Variants in SLC36A1 observed in about 807,000 individuals in gnomAD.
SLC36A1 encodes proton-coupled amino acid transporter 1.
In SLC36A1, 30 loss-of-function variants were observed where a neutral mutation model predicts 47.5. That is an observed-to-expected ratio of 0.63 (90% CI 0.47 to 0.86). The LOEUF is 0.86. Among genes scored for constraint, SLC36A1 ranks in the 40% least tolerant of loss-of-function variants. SLC36A1 has a pLI of 0.00. For synonymous variants in SLC36A1, 255 were observed against 249.7 expected (o/e 1.02, Z -0.20); for missense variants, 517 against 606.0 (o/e 0.85, Z 1.54).
At chr5:151,537,875 G>A in the SLC36A1 span, 2 of 1,614,188 alleles carry the variant, frequency 1.2e-6, no homozygotes, top group South Asian at 2.2e-5. Flanking sequence ...CAGTGTCCAA[G>A]TCTGTGGCAG....
chr5:151,458,773 G>T lies in SLC36A1; in HGVS notation c.-5-15G>T. The stretch of plus-strand genomic sequence containing the variant: ...CCAGCTGCAGGAGGTCTTAATGCTG[G>T]CCCTGTCCCCCCAGCTGCCATGTCC... On this transcript the variant is annotated splice_polypyrimidine_tract_variant and intron_variant, in intron 1 of 10. Transcript: ENST00000243389. The T allele has an allele frequency of 6.2e-7, 1 of 1,611,914 alleles. No homozygotes were observed. Among genetic ancestry groups the T allele is most frequent in the South Asian group, 1.1e-5 (1 of 90,906 alleles).
At chr5:151,516,092 T>C in the SLC36A1 span, among the ~76,000 whole-genome samples, 1 of 152,208 alleles carries the variant, frequency 6.6e-6, no homozygotes, top group South Asian at 2.1e-4. Flanking sequence ...CACATTGCTA[T>C]TCCCTCTATC....
At chr5:151,536,991 C>T in the SLC36A1 span, among the ~76,000 whole-genome samples, 103 of 152,304 alleles carry the variant, frequency 6.8e-4, no homozygotes, top group African/African-American at 2.3e-3. Flanking sequence ...GCCTTGAGTG[C>T]CCTTTCCCCC....
In SLC36A1 at chr5:151,467,724, T is replaced by G. The variant is rs144783326; in HGVS notation, c.522T>G (p.Asn174Lys). The G allele has an allele frequency of 1.9e-6, 3 of 1,614,022 alleles. No individual in the cohort carries two copies. The highest frequency in any genetic ancestry group is 1.7e-5 in the Admixed American group (1 of 60,022). Reference protein sequence around the residue: ...DNFKQVIEAANGTTNNCHNNE... With the variant: ...DNFKQVIEAAKGTTNNCHNNE... ...CATTCTAGGTGATAGAAGCGGCCAA[T>G]GGGACCACCAATAACTGCCACAACA... is the stretch of plus-strand genomic sequence containing the variant. Residue 174 changes from asparagine (N) to lysine (K), a missense_variant, in exon 7 of 11, where the codon AAT becomes AAG. Asn to Lys is a moderately conservative substitution (Grantham distance 94). Transcript: ENST00000243389.
intron 7 of SLC36A1, chr5:151,471,038 T>C (rs1757245539): frequency 6.6e-6 from 1 of 152,254 alleles, no homozygotes; most frequent in Admixed American, 6.5e-5. Flanking sequence ...AATCCATGTG[T>C]ACCTTTAACA....
At chr5:151,346,302 G>T in the SLC36A1 span, among the ~76,000 whole-genome samples, 1 of 152,142 alleles carries the variant, frequency 6.6e-6, no homozygotes, top group Non-Finnish European at 1.5e-5. Flanking sequence ...GACAGCACAG[G>T]CAGCAGGGCC....
At chr5:151,401,855 A>G in the SLC36A1 span, among the ~76,000 whole-genome samples, 3 of 152,136 alleles carry the variant, frequency 2.0e-5, no homozygotes, top group Non-Finnish European at 4.4e-5. Context: ...ATTTTTGTAC[A>G]TTGATTTTGT....
intron 2 of SLC36A1, among the ~76,000 whole-genome samples, chr5:151,459,486 G>A (rs1048286616): frequency 3.3e-5 from 5 of 152,180 alleles, no homozygotes; most frequent in Non-Finnish European, 4.4e-5. Flanking sequence ...AGTTTGGCCC[G>A]CTTCAGGTCT....
chr5:151,356,422 ATATC>A, the SLC36A1 span, among the ~76,000 whole-genome samples: 1 of 151,480 alleles, frequency 6.6e-6, no homozygotes, highest in Non-Finnish European at 1.5e-5. Flanking sequence ...GATGAGGCGT[ATATC>A]TGTTACTCAC....
chr5:151,534,580 T>A, the SLC36A1 span: 2 of 1,614,040 alleles, frequency 1.2e-6, no homozygotes, highest in Non-Finnish European at 8.5e-7. Context: ...TCCGTCGCCT[T>A]GGCAACAAGG....
At chr5:151,505,492 C>A in the SLC36A1 span, 1 of 1,576,094 alleles carries the variant, frequency 6.3e-7, no homozygotes, top group Non-Finnish European at 8.7e-7. Flanking sequence ...TCAACTCACC[C>A]CCTACGAGAC....
At chr5:151,449,007 C>T (rs1753224146) in intron 1 of SLC36A1, among the ~76,000 whole-genome samples, 1 of 152,198 alleles carries the variant, frequency 6.6e-6, no homozygotes, top group African/African-American at 2.4e-5. Context: ...CCACCTTGGC[C>T]TCCCAAAGTA....
chr5:151,437,382 GA>G (rs1197237253), intron 1 of SLC36A1, among the ~76,000 whole-genome samples: 3 of 152,166 alleles, frequency 2.0e-5, no homozygotes, highest in Non-Finnish European at 4.4e-5. Context: ...AATTTATAAT[GA>G]AAAGCTATAG....
the SLC36A1 span, chr5:151,537,813 A>T: frequency 6.2e-7 from 1 of 1,611,854 alleles, no homozygotes; most frequent in Non-Finnish European, 8.5e-7. Context: ...ATCCAGCTTG[A>T]ATTCATGCGC....
In SLC36A1 at chr5:151,491,324, T is replaced by A. The variant is rs1644031; in HGVS notation, c.*3070T>A. ...TCCCTTCATCTGCACAAGCCCTGGC[T>A]AGATATGTGTGAATGTGTGGCATCA... On this transcript the variant is annotated 3_prime_UTR_variant, in exon 11 of 11. Coordinates refer to ENST00000243389, the MANE Select transcript of SLC36A1 (RefSeq NM_078483.4). 1 of 152,678 alleles carries A rather than the reference T, an allele frequency of 6.5e-6. No individual in the cohort carries two copies. The highest frequency in any genetic ancestry group is 1.5e-5 in the Non-Finnish European group (1 of 68,058). 9.5% of individuals were successfully genotyped at this position (152,678 alleles called of 1,614,324 possible).
chr5:151,347,223 C>G, the SLC36A1 span: 1 of 1,575,128 alleles, frequency 6.3e-7, no homozygotes, highest in Non-Finnish European at 8.7e-7. Context: ...TCAGACACAC[C>G]CACCTCAGGG....
chr5:151,426,273 C>T, the SLC36A1 span, among the ~76,000 whole-genome samples: 3 of 151,622 alleles, frequency 2.0e-5, no homozygotes, highest in East Asian at 1.9e-4. Context: ...CCCAGGGGAC[C>T]GGTGCTCAGC....
chr5:151,462,599 A>G (rs1286179784), intron 2 of SLC36A1, among the ~76,000 whole-genome samples: 2 of 151,528 alleles, frequency 1.3e-5, no homozygotes, highest in African/African-American at 4.9e-5. Context: ...TCTTGACCTC[A>G]TGATCTGCCC....
the SLC36A1 span, chr5:151,546,060 T>A: frequency 1.2e-6 from 2 of 1,614,036 alleles, no homozygotes; most frequent in African/African-American, 2.7e-5. Flanking sequence ...CATAGGTAAC[T>A]TCAGAGGGGC....
Sources: gnomAD v4.1 joint callset for allele counts (sites outside exome capture counted in the v4.1 genomes callset) on GRCh38, gnomAD v4.1.1 for gene constraint, MANE v1.5 for transcripts, NCBI Gene and HGNC (gene_info 2026-07-23, HGNC 2026-07-21) for gene names.